The following RGSL1 variants were observed in gnomAD, a reference collection of about 807,000 sequenced individuals.
The protein encoded by RGSL1 is regulator of G protein signaling protein-like.
A neutral mutation model predicts 124.7 loss-of-function variants in RGSL1; 97 were observed. The ratio of observed to expected loss-of-function variants is 0.78; its 90% CI spans 0.66 to 0.92. The LOEUF (loss-of-function observed/expected upper bound fraction) is 0.92, where lower values mean the gene tolerates loss of function less well. Among genes scored for constraint, RGSL1 ranks in the 40% least tolerant of loss-of-function variants. RGSL1 has a pLI of 0.00. For synonymous variants in RGSL1, 424 were observed against 438.1 expected (o/e 0.97, Z 0.40); for missense variants, 1,233 against 1,288.4 (o/e 0.96, Z 0.66).
chr1:182,496,857 A>C (rs913523185), intron 9 of RGSL1, among the ~76,000 whole-genome samples: 1 of 149,948 alleles, frequency 6.7e-6, no homozygotes, highest in Admixed American at 6.7e-5. Flanking sequence ...AGGATGTCCA[A>C]ATATGCACCA....
At chr1:182,550,843 A>T in intron 17 of RGSL1, 1 of 481,038 alleles carries the variant, frequency 2.1e-6, no homozygotes, top group East Asian at 3.5e-5. Context: ...TACAGGCTCC[A>T]TTCACTGATG....
chr1:182,546,019 C>T (rs1024630039), intron 15 of RGSL1, among the ~76,000 whole-genome samples: 3 of 152,248 alleles, frequency 2.0e-5, no homozygotes, highest in East Asian at 1.9e-4. Context: ...CTTGCTCTTG[C>T]TCAACTCCCT....
chr1:182,477,815 T>C (rs1654412365), intron 6 of RGSL1, among the ~76,000 whole-genome samples: 1 of 152,170 alleles, frequency 6.6e-6, no homozygotes, highest in Admixed American at 6.5e-5. Context: ...GACTGGCTAA[T>C]TGCAAAGGCC....
At chr1:182,450,044 C>A, upstream of RGSL1, 2 of 1,159,934 alleles carry the variant, frequency 1.7e-6, no homozygotes, top group Non-Finnish European at 2.5e-6. Flanking sequence ...TAGATCACTG[C>A]CAGATAGAAT....
intron 10 of RGSL1, among the ~76,000 whole-genome samples, chr1:182,526,579 G>A (rs1418816455): frequency 6.6e-6 from 1 of 152,110 alleles, no homozygotes; most frequent in Non-Finnish European, 1.5e-5. Flanking sequence ...GGGCTAAGCA[G>A]GGAGATCACT....
intron 9 of RGSL1, among the ~76,000 whole-genome samples, chr1:182,517,486 C>G (rs1443899659): frequency 1.3e-5 from 2 of 152,048 alleles, no homozygotes; most frequent in Non-Finnish European, 2.9e-5. Flanking sequence ...TCTTGCTCGA[C>G]TTCCTCTCAA....
At chr1:182,461,103 A>G (rs266507) in intron 4 of RGSL1, among the ~76,000 whole-genome samples, 10,548 of 152,126 alleles carry the variant, frequency 0.069, 553 homozygotes, top group East Asian at 0.26. Flanking sequence ...GGGGATTTAC[A>G]GAGCTGACAT....
At chr1:182,513,201 T>C (rs187089257) in intron 9 of RGSL1, among the ~76,000 whole-genome samples, 217 of 152,328 alleles carry the variant, frequency 1.4e-3, no homozygotes, top group South Asian at 2.5e-3. Flanking sequence ...CATTAGAATA[T>C]GGACGATGAC....
chr1:182,558,968 A>AT (rs1661015689), intron 21 of RGSL1, among the ~76,000 whole-genome samples: 1 of 152,178 alleles, frequency 6.6e-6, no homozygotes, highest in East Asian at 1.9e-4. Context: ...GTCCTAGACC[A>AT]CCTTCCTTAG....
chr1:182,474,563 A>G, intron 6 of RGSL1, 21 bp downstream of exon 6: 1 of 1,518,676 alleles, frequency 6.6e-7, no homozygotes. Context: ...CCTCACAGAA[A>G]TAAGTTATAT....
chr1:182,464,278 A>G (rs1317031590), intron 4 of RGSL1, among the ~76,000 whole-genome samples: 1 of 152,224 alleles, frequency 6.6e-6, no homozygotes, highest in Non-Finnish European at 1.5e-5. Context: ...AAGGCTCTAG[A>G]AAAAGAACAG....
intron 1 of RGSL1, among the ~76,000 whole-genome samples, chr1:182,450,829 A>G (rs1651753586): frequency 6.6e-6 from 1 of 152,196 alleles, no homozygotes; most frequent in African/African-American, 2.4e-5. Context: ...TCTATGAATG[A>G]TAAACAAACA....
At chr1:182,555,433 A>G (rs1660807452) in intron 20 of RGSL1, 1 of 155,566 alleles carries the variant, frequency 6.4e-6, no homozygotes, top group South Asian at 2.0e-4. Context: ...GGCAGGGTGC[A>G]TAAGGTGGGA....
chr1:182,508,749 G>C (rs1031506818), intron 9 of RGSL1, among the ~76,000 whole-genome samples: 1 of 135,960 alleles, frequency 7.4e-6, no homozygotes, highest in Non-Finnish European at 1.6e-5. Context: ...GATTTGGCAG[G>C]GTCATGGGAC....
Position 182,553,532 on chromosome 1 carries a change from G to A in RGSL1, c.3121G>A (p.Val1041Ile). Reference protein sequence around the residue: ...LQPQREAISSVQNSSSSKLTQ... With the variant: ...LQPQREAISSIQNSSSSKLTQ... ...GCCTCAACGGGAAGCAATAAGTTCA[G>A]TTCAAAATTGTGAGTTGGAATTGGA... The change falls in exon 19 of 22, where the codon GTT becomes ATT. Residue 1041 changes from valine (V) to isoleucine (I), a missense_variant. Transcript: ENST00000294854. The A allele has an allele frequency of 2.6e-6, 4 of 1,551,818 alleles. No homozygotes were observed. In the East Asian group the frequency reaches 7.3e-5, roughly 28 times the overall value.
In RGSL1 at chr1:182,485,607, G is replaced by GATTCTGTCATCC. The variant is rs1368322025; in HGVS notation, c.1432-2677_1432-2666dup. ...TATAACCTTAGAATAGGTCATTAGA[G>GATTCTGTCATCC]ATTCTGTCATCCCTTCTCTCATTGT... is the stretch of plus-strand genomic sequence containing the variant. On this transcript the variant is annotated intron_variant, in intron 6 of 21. Transcript: ENST00000294854. 2.6e-5 allele frequency among the ~76,000 whole-genome samples: 4 copies of GATTCTGTCATCC among 152,278 alleles called. No homozygotes were observed. In the East Asian group the frequency reaches 7.7e-4, roughly 29 times the overall value.
At position 182,551,143 on chromosome 1, in the gene RGSL1, G is replaced by C; in HGVS notation, c.2977G>C (p.Gly993Arg). The C allele has an allele frequency of 1.3e-6, 2 of 1,551,698 alleles. No homozygotes were observed. Among genetic ancestry groups the C allele is most frequent in the East Asian group, 2.4e-5 (1 of 40,922 alleles). The part of the protein sequence containing the change: ...KATRSYLQYR[G>R]KKFKDRKSPP... ...AACCCGCTCTTACTTACAGTATAGGGGGAAGAAGTTCAAGGACAGAAAAAG... is the reference window on the plus strand; with the variant it reads ...AACCCGCTCTTACTTACAGTATAGGCGGAAGAAGTTCAAGGACAGAAAAAG... Residue 993 changes from glycine to arginine, a missense_variant, in exon 18 of 22, where the codon GGG (glycine) becomes CGG (arginine). By Grantham distance (125) the Gly-to-Arg change is moderately radical. Transcript: ENST00000294854.
intron 15 of RGSL1, among the ~76,000 whole-genome samples, chr1:182,545,147 G>GT (rs1660131115): frequency 2.0e-5 from 3 of 151,820 alleles, no homozygotes; most frequent in Admixed American, 6.6e-5. Context: ...TATTTTTAGT[G>GT]TAACTATTAT....
chr1:182,541,002 A>G (rs1403942864), intron 15 of RGSL1, among the ~76,000 whole-genome samples: 1 of 152,176 alleles, frequency 6.6e-6, no homozygotes, highest in Non-Finnish European at 1.5e-5. Flanking sequence ...TTGGAGATGT[A>G]TGTGATATTT....
Sources: allele counts gnomAD v4.1 joint callset (sites outside exome capture counted in the v4.1 genomes callset), GRCh38; gene constraint gnomAD v4.1.1; transcripts MANE v1.5; gene names NCBI Gene and HGNC (gene_info 2026-07-23, HGNC 2026-07-21).